The following EPC1 variants were observed in gnomAD, a reference collection of about 807,000 sequenced individuals.
EPC1 encodes enhancer of polycomb 1, also known as enhancer of polycomb homolog 1.
EPC1 carries 12 observed loss-of-function variants against 98.4 expected under a neutral mutation model. The observed-to-expected ratio is 0.12, with a 90% CI of 0.08 to 0.20. The LOEUF (loss-of-function observed/expected upper bound fraction) is 0.20. EPC1 is among the 10% of genes least tolerant of loss of function. The pLI, the probability that EPC1 is intolerant of heterozygous loss-of-function variation, is 1.00. For missense variants in EPC1, 729 were observed against 990.5 expected (o/e 0.74, Z 3.54); for synonymous variants, 357 against 363.9 (o/e 0.98, Z 0.21).
At chr10:32,364,720 C>A (rs1839547888) in intron 1 of EPC1, among the ~76,000 whole-genome samples, 1 of 151,934 alleles carries the variant, frequency 6.6e-6, no homozygotes, top group African/African-American at 2.4e-5. Context: ...AGATAATTTA[C>A]TTTGAGACAT....
Position 32,293,599 on chromosome 10 carries a change from C to T in EPC1, c.452G>A (p.Gly151Asp). 4 of 1,613,094 alleles carry T rather than the reference C, an allele frequency of 2.5e-6. No individual in the cohort carries two copies. The highest frequency in any genetic ancestry group is 3.4e-6 in the Non-Finnish European group (4 of 1,179,598). The stretch of plus-strand genomic sequence containing the variant: ...ATACAAATGAAGTTGTACCTGCTGA[C>T]CACTGCCTTTTTCTAGGCGGTCAAT... ...EMIDRLEKGSGQQPVSLQEAK... is the reference protein window; with the variant it reads ...EMIDRLEKGSDQQPVSLQEAK... Residue 151 changes from glycine to aspartate, a missense_variant, in exon 3 of 14, where the codon GGT (glycine) becomes GAT (aspartate). Transcript: ENST00000319778.
intron 10 of EPC1, chr10:32,282,943 G>A (rs1836486745): frequency 1.3e-5 from 2 of 152,082 alleles, no homozygotes; most frequent in South Asian, 4.1e-4. Context: ...TTATTGAAAA[G>A]TTCTTTATTT....
rs1835681479 is a variant in EPC1 at position 32,268,402 on chromosome 10, T to TTAA, written c.*658_*660dup. 1 of 151,096 alleles carries TTAA rather than the reference T, an allele frequency of 6.6e-6. No homozygotes were observed. The highest frequency in any genetic ancestry group is 2.1e-4 in the South Asian group (1 of 4,786). The allele number at this position is 151,096 out of a possible 1,614,324, so 9.4% of individuals were successfully genotyped here. A position where few individuals can be genotyped will look rare whatever the true frequency, so the allele number is the denominator to read the frequency against. ...GATAGTAGACCAGGAAGATCCCCAT[T>TTAA]TAATAGTACATTCCCCATTTTTAAA... On this transcript the variant is annotated 3_prime_UTR_variant, in exon 14 of 14. Transcript: ENST00000319778.
At chr10:32,271,431 TATACATTTTCAATGTATAA>T in intron 13 of EPC1, 104 bp downstream of exon 13, 1 of 1,106,322 alleles carries the variant, frequency 9.0e-7, no homozygotes, top group Non-Finnish European at 1.3e-6. Context: ...AATTCTCAAC[TATACATTTTCAATGTATAA>T]AAGGAAAAGA....
At chr10:32,355,971 A>C (rs2479351) in intron 1 of EPC1, among the ~76,000 whole-genome samples, 2 of 152,016 alleles carry the variant, frequency 1.3e-5, no homozygotes, top group Non-Finnish European at 2.9e-5. Context: ...AGTAATGCAC[A>C]TACAAATCAG....
chr10:32,365,372 C>A (rs1346705766), intron 1 of EPC1, among the ~76,000 whole-genome samples: 1 of 152,092 alleles, frequency 6.6e-6, no homozygotes, highest in Non-Finnish European at 1.5e-5. Context: ...CTGATAGTTT[C>A]ACTAGAAAGT....
At chr10:32,364,146 A>C (rs971528968) in intron 1 of EPC1, among the ~76,000 whole-genome samples, 1 of 150,712 alleles carries the variant, frequency 6.6e-6, no homozygotes, top group African/African-American at 2.4e-5. Flanking sequence ...TCCCAAGTAG[A>C]TAGGATTACA....
intron 2 of EPC1, among the ~76,000 whole-genome samples, chr10:32,298,179 G>A (rs907686191): frequency 1.3e-5 from 2 of 152,080 alleles, no homozygotes; most frequent in Admixed American, 1.3e-4. Flanking sequence ...CTATGGGGTG[G>A]GAAGTATTTG....
intron 10 of EPC1, among the ~76,000 whole-genome samples, chr10:32,274,902 A>G (rs1481984604): frequency 6.6e-6 from 1 of 152,202 alleles, no homozygotes; most frequent in African/African-American, 2.4e-5. Context: ...AAAATCCACG[A>G]AAATTATTTA....
chr10:32,342,636 GTA>G (rs1362208831), intron 1 of EPC1, among the ~76,000 whole-genome samples: 7 of 152,184 alleles, frequency 4.6e-5, no homozygotes, highest in Admixed American at 2.0e-4. Flanking sequence ...CTGTAGGGTA[GTA>G]TCAATATGAA....
intron 1 of EPC1, among the ~76,000 whole-genome samples, chr10:32,355,697 G>A (rs1318535212): frequency 6.1e-5 from 8 of 130,168 alleles, no homozygotes; most frequent in African/African-American, 1.2e-4. Flanking sequence ...TGCAACCTCC[G>A]CCTCCTGAGT....
intron 2 of EPC1, 102 bp from the exon 3 acceptor site, chr10:32,293,839 A>T: frequency 8.9e-7 from 1 of 1,118,132 alleles, no homozygotes; most frequent in Non-Finnish European, 1.2e-6. Flanking sequence ...CTAAAGAAAT[A>T]AGAAAGAATT....
rs1838900282 is a variant in EPC1, at chr10:32,347,130, C to T, written c.-215G>A. On this transcript the variant is annotated 5_prime_UTR_variant, in exon 1 of 14. Coordinates refer to ENST00000319778, the MANE Select transcript of EPC1 (RefSeq NM_001272004.3). ...CTCGCTCTCTTCAATACGCCATGGC[C>T]AACATGGCGGACATTAAAACTCCAC... The T allele has an allele frequency of 1.4e-6, 2 of 1,427,418 alleles. No individual in the cohort carries two copies. Among genetic ancestry groups the T allele is most frequent in the Admixed American group, 2.9e-5 (1 of 34,220 alleles). 88.4% of individuals were successfully genotyped at this position (1,427,418 alleles called of 1,614,324 possible). A position where few individuals can be genotyped will look rare whatever the true frequency, so the allele number is the denominator to read the frequency against.
intron 13 of EPC1, among the ~76,000 whole-genome samples, chr10:32,271,304 A>T (rs1488255905): frequency 6.6e-6 from 1 of 152,212 alleles, no homozygotes; most frequent in African/African-American, 2.4e-5. Flanking sequence ...CTATTGTTAT[A>T]GTAAGAAAGG....
At chr10:32,372,859 A>G (rs1839789591) in intron 1 of EPC1, among the ~76,000 whole-genome samples, 1 of 152,114 alleles carries the variant, frequency 6.6e-6, no homozygotes, top group African/African-American at 2.4e-5. Flanking sequence ...CATCTCTACT[A>G]AAAATACAAA....
intron 1 of EPC1, among the ~76,000 whole-genome samples, chr10:32,365,856 A>G (rs2133112283): frequency 8.2e-6 from 1 of 121,562 alleles, no homozygotes; most frequent in East Asian, 2.7e-4. Flanking sequence ...AAAAAAGGAC[A>G]GGTGCAATGG....
At chr10:32,325,678 A>G (rs1414386037) in intron 1 of EPC1, among the ~76,000 whole-genome samples, 1 of 152,202 alleles carries the variant, frequency 6.6e-6, no homozygotes, top group South Asian at 2.1e-4. Context: ...TCATGCATTA[A>G]ATTTGGTTAG....
intron 1 of EPC1, among the ~76,000 whole-genome samples, chr10:32,319,730 G>A (rs1406614684): frequency 1.3e-5 from 2 of 152,170 alleles, no homozygotes; most frequent in Non-Finnish European, 2.9e-5. Context: ...GGCTGGAAGT[G>A]CAGTGGCGCA....
At chr10:32,302,561 A>G (rs1216181585) in intron 2 of EPC1, among the ~76,000 whole-genome samples, 1 of 149,000 alleles carries the variant, frequency 6.7e-6, no homozygotes, top group Admixed American at 6.8e-5. Flanking sequence ...GAAGCAGAAG[A>G]ATTGCTTCAA....
Sources: allele counts gnomAD v4.1 joint callset (sites outside exome capture counted in the v4.1 genomes callset), GRCh38; gene constraint gnomAD v4.1.1; transcripts MANE v1.5; gene names NCBI Gene and HGNC (gene_info 2026-07-23, HGNC 2026-07-21).